Variants in MPHOSPH8 observed in about 807,000 individuals in gnomAD.
The protein encoded by MPHOSPH8 is M-phase phosphoprotein 8.
In MPHOSPH8, 45 loss-of-function variants were observed where a neutral mutation model predicts 87.3. The observed-to-expected ratio is 0.52, with a 90% CI of 0.41 to 0.66. The LOEUF (loss-of-function observed/expected upper bound fraction) is 0.66. Among genes scored for constraint, MPHOSPH8 ranks in the 30% least tolerant of loss-of-function variants. MPHOSPH8 has a pLI of 0.00. For missense variants in MPHOSPH8, 883 were observed against 1,020.2 expected (o/e 0.87, Z 1.83); for synonymous variants, 366 against 376.9 (o/e 0.97, Z 0.33).
Position 19,671,891 on chromosome 13 carries a change from T to A in MPHOSPH8, c.*16T>A. On this transcript the variant is annotated 3_prime_UTR_variant, in exon 14 of 14. Transcript: ENST00000361479. ...GCTGCAGTGACCAAACAGAAGGGAC[T>A]GGGCGGAGTTCTCTTCAGACCGATT... The A allele has an allele frequency of 6.2e-7, 1 of 1,613,168 alleles. No homozygotes were observed. Among genetic ancestry groups the A allele is most frequent in the Non-Finnish European group, 8.5e-7 (1 of 1,179,086 alleles).
chr13:19,642,809 T>G (rs979029317), intron 2 of MPHOSPH8, among the ~76,000 whole-genome samples: 4 of 152,226 alleles, frequency 2.6e-5, no homozygotes, highest in African/African-American at 9.6e-5. Flanking sequence ...AACTATGTTT[T>G]TTAAAATACC....
intron 2 of MPHOSPH8, among the ~76,000 whole-genome samples, chr13:19,643,637 C>G (rs1874415338): frequency 6.6e-6 from 1 of 152,120 alleles, no homozygotes; most frequent in African/African-American, 2.4e-5. Context: ...ATATTTTATT[C>G]AGAAAACAAA....
At chr13:19,660,964 G>C in intron 7 of MPHOSPH8, 1 of 984,890 alleles carries the variant, frequency 1.0e-6, no homozygotes, top group East Asian at 1.1e-4. Flanking sequence ...ACAAAAAGAA[G>C]ATACAAAAAT....
At position 19,650,179 on chromosome 13, in the gene MPHOSPH8, G is replaced by A. The variant is rs147594834; in HGVS notation, c.1495G>A (p.Glu499Lys). 236 of 1,614,052 alleles carry A rather than the reference G, an allele frequency of 1.5e-4. No individual in the cohort carries two copies. The highest frequency in any genetic ancestry group is 2.2e-4 in the Admixed American group (13 of 60,008). Residue 499 changes from glutamate (E) to lysine (K), a missense_variant, in exon 5 of 14, where the codon GAA (glutamate) becomes AAA (lysine). By Grantham distance (56) the Glu-to-Lys change is moderately conservative (BLOSUM62 1). Coordinates refer to ENST00000361479, the MANE Select transcript of MPHOSPH8 (RefSeq NM_017520.4). ...SLKERRNTRD[E>K]TDTWAYIAAE... ...TAAAGAAAGGAGAAACACCAGAGAC[G>A]AAACGGATACTTGGGCATACATTGC...
intron 9 of MPHOSPH8, among the ~76,000 whole-genome samples, chr13:19,663,647 G>C (rs1243364518): frequency 6.6e-6 from 1 of 152,244 alleles, no homozygotes; most frequent in Non-Finnish European, 1.5e-5. Context: ...AAGGTCAGCA[G>C]TTTGGCATTT....
At chr13:19,644,686 T>C (rs1253483557) in intron 2 of MPHOSPH8, among the ~76,000 whole-genome samples, 3 of 152,244 alleles carry the variant, frequency 2.0e-5, no homozygotes, top group African/African-American at 7.2e-5. Flanking sequence ...ATTCACTGAC[T>C]TCTTTTGTTT....
chr13:19,672,498 TAAAAAAAAAAAA>T lies in MPHOSPH8; in HGVS notation c.*631_*642del, dbSNP rs58492348. On this transcript the variant is annotated 3_prime_UTR_variant, in exon 14 of 14. Transcript: ENST00000361479. The stretch of plus-strand genomic sequence containing the variant: ...ACTAGCCCTGGTGAACTTCTGTGCT[TAAAAAAAAAAAA>T]AAAAAAAGGAAAAATTCAGCTCTAA... The T allele has an allele frequency of 7.8e-6, 1 of 128,104 alleles. No homozygotes were observed. Among genetic ancestry groups the T allele is most frequent in the Admixed American group, 8.1e-5 (1 of 12,270 alleles). 7.9% of individuals were successfully genotyped at this position (128,104 alleles called of 1,614,324 possible).
At position 19,658,167 on chromosome 13, in the gene MPHOSPH8, G is replaced by A. The variant is rs75178366; in HGVS notation, c.1577-828G>A. ...AGCAGAAGTGTTAGTTTGAGTTGAG[G>A]GCTTTGGAAAAGTTCTTCATTTATT... On this transcript the variant is annotated intron_variant, in intron 5 of 13. Coordinates refer to ENST00000361479, the MANE Select transcript of MPHOSPH8 (RefSeq NM_017520.4). Among the ~76,000 whole-genome samples the A allele has an allele frequency of 7.1e-3, 1,077 of 152,228 alleles. 7 individuals are homozygous for A. The highest frequency in any genetic ancestry group is 1.0e-2 in the Non-Finnish European group (677 of 68,012).
chr13:19,642,039 A>G (rs1391769633), intron 1 of MPHOSPH8, 76 bp from the exon 2 acceptor site: 3 of 491,720 alleles, frequency 6.1e-6, no homozygotes, highest in East Asian at 4.7e-5. Context: ...TCTTCTCATC[A>G]GTTTTTTTTT....
At position 19,633,698 on chromosome 13, in the gene MPHOSPH8, TG is replaced by T; in HGVS notation, c.-47del. 1 of 1,542,444 alleles carries T rather than the reference TG, an allele frequency of 6.5e-7. No individual in the cohort carries two copies. The highest frequency in any genetic ancestry group is 8.8e-7 in the Non-Finnish European group (1 of 1,138,832). On this transcript the variant is annotated 5_prime_UTR_variant, in exon 1 of 14. The change creates a premature stop within an existing upstream ORF in the 5' untranslated region. Coordinates refer to ENST00000361479, the MANE Select transcript of MPHOSPH8 (RefSeq NM_017520.4). ...CCGAGCGCGGAACGCGAGGGGCTGC[TG>T]GGGTGTTTGTCGCAGCGGGTTTTCC... is the stretch of plus-strand genomic sequence containing the variant.
Position 19,633,823 on chromosome 13 carries a change from C to A in MPHOSPH8, c.75C>A (p.Ala25=), listed in dbSNP as rs1446158102. 6.2e-7 allele frequency: 1 copy of A among 1,610,136 alleles called. No individual in the cohort carries two copies. Among genetic ancestry groups the A allele is most frequent in the South Asian group, 1.1e-5 (1 of 90,020 alleles). ...CTGCCGACAGCACTGAGGAGTTGGC[C>A]GAAGTCGAAGAAGGAGTTGGAGTAG... The part of the protein sequence containing the change: ...VSAADSTEEL[A]EVEEGVGVVG... The change falls in exon 1 of 14, where the codon GCC becomes GCA. Residue 25 remains alanine, a synonymous_variant. Coordinates refer to ENST00000361479, the MANE Select transcript of MPHOSPH8 (RefSeq NM_017520.4).
chr13:19,666,637 GACATATT>G, intron 10 of MPHOSPH8, 58 bp downstream of exon 10: 1 of 1,455,182 alleles, frequency 6.9e-7, no homozygotes, highest in Non-Finnish European at 9.3e-7. Flanking sequence ...TGTTTATGTA[GACATATT>G]ATAATTGGAG....
intron 2 of MPHOSPH8, among the ~76,000 whole-genome samples, chr13:19,642,935 T>C (rs1242485498): frequency 5.3e-5 from 8 of 152,190 alleles, no homozygotes; most frequent in Non-Finnish European, 1.2e-4. Context: ...GTATACTACA[T>C]AACTACCATA....
intron 5 of MPHOSPH8, among the ~76,000 whole-genome samples, chr13:19,656,469 C>G (rs1174169478): frequency 6.6e-6 from 1 of 151,980 alleles, no homozygotes; most frequent in Non-Finnish European, 1.5e-5. Context: ...TTAAAAGATA[C>G]AGTTTTCAGG....
At chr13:19,652,513 C>G (rs9579591) in intron 5 of MPHOSPH8, among the ~76,000 whole-genome samples, 1 of 152,050 alleles carries the variant, frequency 6.6e-6, no homozygotes, top group Non-Finnish European at 1.5e-5. Flanking sequence ...CTGTTTGGGC[C>G]GACACTGAGC....
At chr13:19,647,320 C>A in intron 3 of MPHOSPH8, 29 bp downstream of exon 3, 1 of 1,544,192 alleles carries the variant, frequency 6.5e-7, no homozygotes, top group Non-Finnish European at 8.7e-7. Context: ...AGCAGAAAAC[C>A]CATGTTGAGT....
intron 7 of MPHOSPH8, 124 bp downstream of exon 7, chr13:19,659,413 C>CAA: frequency 1.3e-6 from 1 of 791,812 alleles, no homozygotes; most frequent in Non-Finnish European, 2.0e-6. Context: ...CCTGTAATCC[C>CAA]AGCACTTTGG....
At chr13:19,635,428 T>A (rs1158373225) in intron 1 of MPHOSPH8, among the ~76,000 whole-genome samples, 1 of 152,150 alleles carries the variant, frequency 6.6e-6, no homozygotes, top group African/African-American at 2.4e-5. Flanking sequence ...CTCGGGAGGC[T>A]GAGGCAGGAG....
intron 10 of MPHOSPH8, among the ~76,000 whole-genome samples, chr13:19,667,969 A>G (rs1875907643): frequency 6.6e-6 from 1 of 152,196 alleles, no homozygotes; most frequent in South Asian, 2.1e-4. Flanking sequence ...CTGCAGTCCC[A>G]ACTCCTCTGG....
Sources: allele counts gnomAD v4.1 joint callset (sites outside exome capture counted in the v4.1 genomes callset), GRCh38; gene constraint gnomAD v4.1.1; transcripts MANE v1.5; gene names NCBI Gene and HGNC (gene_info 2026-07-23, HGNC 2026-07-21).